Variants in STX2 observed in about 807,000 individuals in gnomAD.
STX2 encodes the protein syntaxin 2.
Under a neutral mutation model 40.6 loss-of-function variants are expected in STX2, and 27 were observed. That is an observed-to-expected ratio of 0.66 (90% CI 0.49 to 0.92). STX2 has a LOEUF of 0.92. STX2 is among the 40% of genes least tolerant of loss of function. The pLI, the probability that STX2 is intolerant of heterozygous loss-of-function variation, is 0.00. For missense variants in STX2, 328 were observed against 366.1 expected (o/e 0.90, Z 0.85); for synonymous variants, 123 against 119.1 (o/e 1.03, Z -0.22).
chr12:130,801,052 A>G, intron 8 of STX2, 101 bp downstream of exon 8: 1 of 1,367,692 alleles, frequency 7.3e-7, no homozygotes, highest in East Asian at 2.4e-5. Flanking sequence ...TGGATCCAAA[A>G]TAACAGCTTT....
intron 4 of STX2, 106 bp from the exon 5 acceptor site, chr12:130,808,810 A>G (rs367563171): frequency 4.1e-6 from 4 of 969,336 alleles, no homozygotes; most frequent in Non-Finnish European, 1.6e-6. Flanking sequence ...TCTTTATAAA[A>G]CTAAAGCTAA....
At chr12:130,805,701 C>A (rs1951406166) in intron 6 of STX2, among the ~76,000 whole-genome samples, 1 of 152,164 alleles carries the variant, frequency 6.6e-6, no homozygotes, top group Non-Finnish European at 1.5e-5. Flanking sequence ...TGCAAGATCC[C>A]AAAGGCTAAA....
intron 6 of STX2, among the ~76,000 whole-genome samples, chr12:130,804,201 G>A (rs1323308496): frequency 6.6e-6 from 1 of 152,176 alleles, no homozygotes. Flanking sequence ...CACAGGAAAA[G>A]ATATCCTGTG....
At chr12:130,838,033 A>C (rs962133641) in intron 1 of STX2, among the ~76,000 whole-genome samples, 2 of 152,220 alleles carry the variant, frequency 1.3e-5, no homozygotes, top group Admixed American at 6.5e-5. Flanking sequence ...GGGGTACATA[A>C]CAGCTCCATT....
At chr12:130,826,019 G>C (rs1325749933) in intron 2 of STX2, among the ~76,000 whole-genome samples, 2 of 152,228 alleles carry the variant, frequency 1.3e-5, no homozygotes, top group Non-Finnish European at 2.9e-5. Context: ...GAGATAAGCA[G>C]GAGGGGGAGG....
rs748006925 is a variant in STX2, at chr12:130,821,792, GGAGA to G, written c.106-8_106-5del. The G allele has an allele frequency of 1.2e-5, 18 of 1,545,774 alleles. No individual in the cohort carries two copies. In the East Asian group the frequency reaches 1.4e-4, roughly 12 times the overall value. On this transcript the variant is annotated splice_region_variant and splice_polypyrimidine_tract_variant and intron_variant, in intron 2 of 10. Transcript: ENST00000392373. ...TACTGTTTCTAATCTCCTCCACCTA[GGAGA>G]GAGAGAGAGTCATTACAGCATGGCA...
Position 130,824,753 on chromosome 12 carries a change from T to A in STX2, c.105+2440A>T, listed in dbSNP as rs147352949. ...TTCTCTTGCAAACTTCTATGTGATATTGAAGATCAGAATGAGTTTATATTA... is the reference window on the plus strand; with the variant it reads ...TTCTCTTGCAAACTTCTATGTGATAATGAAGATCAGAATGAGTTTATATTA... On this transcript the variant is annotated intron_variant, in intron 2 of 10. Transcript: ENST00000392373. 3.2e-4 allele frequency among the ~76,000 whole-genome samples: 48 copies of A among 152,350 alleles called. 1 individual carries two copies. In the East Asian group the frequency reaches 9.1e-3, roughly 29 times the overall value.
chr12:130,813,612 G>A (rs1396085228), intron 3 of STX2, among the ~76,000 whole-genome samples: 2 of 152,180 alleles, frequency 1.3e-5, no homozygotes, highest in Admixed American at 6.5e-5. Flanking sequence ...CTCCTAACAC[G>A]GAGGGAGGCC....
chr12:130,818,185 A>AAAAAAAAATATATATATATATATATAT, intron 3 of STX2, among the ~76,000 whole-genome samples: 1 of 70,586 alleles, frequency 1.4e-5, no homozygotes, highest in Non-Finnish European at 2.3e-5. Flanking sequence ...AAAAAAAAAA[A>AAAAAAAAATATATATATATATATATAT]ATATATATAT....
intron 10 of STX2, among the ~76,000 whole-genome samples, chr12:130,793,867 C>A (rs1021656104): frequency 2.0e-5 from 3 of 152,248 alleles, no homozygotes; most frequent in Non-Finnish European, 4.4e-5. Context: ...CCACTGCCTT[C>A]CTATGCAAAG....
Position 130,791,754 on chromosome 12 carries a change from GCTT to G in STX2, c.*266_*268del. 1 of 694,104 alleles carries G rather than the reference GCTT, an allele frequency of 1.4e-6. No individual in the cohort carries two copies. The highest frequency in any genetic ancestry group is 1.7e-5 in the South Asian group (1 of 57,346). The allele number at this position is 694,104 out of a possible 1,614,324, so 43.0% of individuals were successfully genotyped here. A position where few individuals can be genotyped will look rare whatever the true frequency, so the allele number is the denominator to read the frequency against. On this transcript the variant is annotated 3_prime_UTR_variant, in exon 11 of 11. Coordinates refer to ENST00000392373, the MANE Select transcript of STX2 (RefSeq NM_194356.4). ...GTCACTGAACAAGACGTTCGGTTGTGCTTCTTCCGTGAACTCATACATTACAAG... is the reference window on the plus strand; with the variant it reads ...GTCACTGAACAAGACGTTCGGTTGTGCTTCCGTGAACTCATACATTACAAG...
chr12:130,827,124 G>C (rs1952347916), intron 2 of STX2, 69 bp downstream of exon 2: 3 of 644,712 alleles, frequency 4.7e-6, no homozygotes, highest in South Asian at 3.0e-5. Context: ...GAAGAAAGGA[G>C]GGAGGGGTGG....
chr12:130,826,038 C>A (rs1048472974), intron 2 of STX2, among the ~76,000 whole-genome samples: 1 of 152,178 alleles, frequency 6.6e-6, no homozygotes, highest in Non-Finnish European at 1.5e-5. Flanking sequence ...GGCCTCACAC[C>A]TCAGATAGGA....
chr12:130,820,814 C>A (rs1418811942), intron 3 of STX2, among the ~76,000 whole-genome samples: 1 of 152,194 alleles, frequency 6.6e-6, no homozygotes, highest in Non-Finnish European at 1.5e-5. Context: ...GCATTAAAGG[C>A]GGCCTGTGTC....
intron 8 of STX2, 69 bp downstream of exon 8, chr12:130,801,084 G>C (rs1236391585): frequency 6.6e-7 from 1 of 1,514,926 alleles, no homozygotes; most frequent in Non-Finnish European, 8.9e-7. Flanking sequence ...CCACTAGACA[G>C]AGTGGGATGC....
In STX2 at chr12:130,807,008, C is replaced by A; in HGVS notation, c.437G>T (p.Gly146Val). Residue 146 changes from glycine to valine, a missense_variant, in exon 6 of 11, where the codon GGC becomes GTC. Gly to Val is a moderately radical substitution (Grantham distance 109). Coordinates refer to ENST00000392373, the MANE Select transcript of STX2 (RefSeq NM_194356.4). ...AQTLFRERSK[G>V]RIQRQLEITG... ...TATCTCCAGCTGGCGCTGGATGCGG[C>A]CTTTGCTCCGCTCCCGAAACAGAGT... is the stretch of plus-strand genomic sequence containing the variant. 1 of 1,614,216 alleles carries A rather than the reference C, an allele frequency of 6.2e-7. No homozygotes were observed. Among genetic ancestry groups the A allele is most frequent in the Non-Finnish European group, 8.5e-7 (1 of 1,180,030 alleles).
chr12:130,824,677 C>G (rs1263240179), intron 2 of STX2, among the ~76,000 whole-genome samples: 2 of 152,184 alleles, frequency 1.3e-5, no homozygotes, highest in Non-Finnish European at 2.9e-5. Flanking sequence ...CCTGGCCACC[C>G]TTCAGAGCAC....
chr12:130,798,387 T>G (rs181505929), intron 9 of STX2, 138 bp downstream of exon 9: 2 of 532,648 alleles, frequency 3.8e-6, no homozygotes, highest in African/African-American at 2.0e-5. Context: ...GCAAAAAAAA[T>G]TATTTCCATT....
intron 8 of STX2, 102 bp from the exon 9 acceptor site, chr12:130,798,737 C>T: frequency 1.3e-6 from 1 of 768,534 alleles, no homozygotes; most frequent in Non-Finnish European, 2.0e-6. Context: ...ACACGATGTG[C>T]ATGTAATGGA....
Sources: gnomAD v4.1 joint callset for allele counts (sites outside exome capture counted in the v4.1 genomes callset) on GRCh38, gnomAD v4.1.1 for gene constraint, MANE v1.5 for transcripts, NCBI Gene and HGNC (gene_info 2026-07-23, HGNC 2026-07-21) for gene names.